PRKD1: variants seen among roughly 807,000 people sequenced by gnomAD.
PRKD1 encodes protein kinase D1, also known as serine/threonine-protein kinase D1.
Under a neutral mutation model 95.9 loss-of-function variants are expected in PRKD1, and 63 were observed. The observed-to-expected ratio is 0.66, with a 90% CI of 0.54 to 0.81. The LOEUF is 0.81. Ranked by LOEUF, PRKD1 falls within the 30% of genes least tolerant of loss-of-function variation. The pLI is 0.00. For missense variants in PRKD1, 1,048 were observed against 1,165.3 expected (o/e 0.90, Z 1.47); for synonymous variants, 425 against 423.1 (o/e 1.00, Z -0.05).
chr14:29,860,313 T>G (rs1892662903), intron 1 of PRKD1, among the ~76,000 whole-genome samples: 1 of 152,228 alleles, frequency 6.6e-6, no homozygotes, highest in African/African-American at 2.4e-5. Flanking sequence ...ATGGCTACAC[T>G]TTTCTGAAAG....
chr14:29,824,114 C>T (rs577966220), intron 1 of PRKD1, among the ~76,000 whole-genome samples: 14 of 152,210 alleles, frequency 9.2e-5, no homozygotes, highest in African/African-American at 3.1e-4. Context: ...TTATCAGCTA[C>T]GATGAGGGTC....
chr14:29,638,966 T>C lies in PRKD1; in HGVS notation c.697-62A>G, dbSNP rs1880574566. The C allele has an allele frequency of 2.9e-5, 38 of 1,297,940 alleles. No homozygotes were observed. The South Asian group carries it at 4.6e-4, about 16-fold the overall frequency. 80.4% of individuals were successfully genotyped at this position (1,297,940 alleles called of 1,614,324 possible). A position where few individuals can be genotyped will look rare whatever the true frequency, so the allele number is the denominator to read the frequency against. ...AGAGGCTATTTGATTTATATATTTA[T>C]ATATTTTAAGATACCGGTTTACTCT... On this transcript the variant is annotated intron_variant, in intron 4 of 17. Transcript: ENST00000331968.
chr14:29,887,863 A>G (rs1158951285), intron 1 of PRKD1, among the ~76,000 whole-genome samples: 2 of 152,146 alleles, frequency 1.3e-5, no homozygotes, highest in Non-Finnish European at 2.9e-5. Context: ...GTGTAAGTAC[A>G]CTCTATGGCA....
At chr14:29,794,482 G>A (rs1566605546) in intron 1 of PRKD1, among the ~76,000 whole-genome samples, 1 of 151,812 alleles carries the variant, frequency 6.6e-6, no homozygotes, top group Non-Finnish European at 1.5e-5. Context: ...ATAAAATGTT[G>A]TACAGTGATT....
intron 2 of PRKD1, among the ~76,000 whole-genome samples, chr14:29,680,090 G>A (rs949215319): frequency 6.6e-6 from 1 of 152,124 alleles, no homozygotes; most frequent in African/African-American, 2.4e-5. Flanking sequence ...GGAAGTCACT[G>A]GTGGACAACT....
chr14:29,666,625 G>A (rs545588319), intron 2 of PRKD1, among the ~76,000 whole-genome samples: 54 of 152,154 alleles, frequency 3.5e-4, no homozygotes, highest in African/African-American at 1.0e-3. Flanking sequence ...AGATAGATCC[G>A]AAAAATAGTA....
chr14:29,734,418 T>A (rs1886618654), intron 1 of PRKD1, among the ~76,000 whole-genome samples: 1 of 152,190 alleles, frequency 6.6e-6, no homozygotes, highest in South Asian at 2.1e-4. Flanking sequence ...TGCCTTTTTT[T>A]AATGGATATT....
chr14:29,643,574 C>A (rs531246318), intron 4 of PRKD1, among the ~76,000 whole-genome samples: 103 of 152,292 alleles, frequency 6.8e-4, no homozygotes, highest in Non-Finnish European at 1.2e-3. Flanking sequence ...AAGTTTGCAA[C>A]CTTCCCAGGA....
At chr14:29,713,448 T>G (rs528026056) in intron 2 of PRKD1, among the ~76,000 whole-genome samples, 3 of 152,204 alleles carry the variant, frequency 2.0e-5, no homozygotes, top group African/African-American at 7.2e-5. Context: ...AGGCAGCTTA[T>G]GAAGTATAAC....
chr14:29,701,645 TTTTTC>T (rs1171342910), intron 2 of PRKD1, among the ~76,000 whole-genome samples: 2 of 152,200 alleles, frequency 1.3e-5, no homozygotes, highest in Non-Finnish European at 2.9e-5. Flanking sequence ...TAGTCAATAC[TTTTTC>T]TTTTCTTTTT....
At chr14:29,846,377 C>T (rs1892077889) in intron 1 of PRKD1, among the ~76,000 whole-genome samples, 1 of 152,114 alleles carries the variant, frequency 6.6e-6, no homozygotes, top group South Asian at 2.1e-4. Flanking sequence ...TGAGGGGTGA[C>T]GTTTAGCTGT....
chr14:29,696,440 G>C (rs1183200839), intron 2 of PRKD1, among the ~76,000 whole-genome samples: 1 of 152,146 alleles, frequency 6.6e-6, no homozygotes, highest in Non-Finnish European at 1.5e-5. Context: ...GACTAGAGCT[G>C]ATTCCTATGT....
intron 1 of PRKD1, among the ~76,000 whole-genome samples, chr14:29,886,871 T>A (rs1418885090): frequency 2.0e-5 from 3 of 152,236 alleles, no homozygotes; most frequent in Non-Finnish European, 4.4e-5. Flanking sequence ...ATCATCCAGC[T>A]TGGTATGTGA....
chr14:29,816,203 G>C (rs909220873), intron 1 of PRKD1, among the ~76,000 whole-genome samples: 17 of 152,160 alleles, frequency 1.1e-4, no homozygotes, highest in African/African-American at 4.1e-4. Flanking sequence ...GGGCAACAGA[G>C]CAAGACCAAG....
rs561704226 is a variant in PRKD1 at position 29,614,671 on chromosome 14, G to C, written c.1905+9481C>G. Among the ~76,000 whole-genome samples the C allele has an allele frequency of 3.4e-4, 52 of 151,736 alleles. No homozygotes were observed. In the East Asian group the frequency reaches 9.1e-3, roughly 27 times the overall value. On this transcript the variant is annotated intron_variant, in intron 13 of 17. Coordinates refer to ENST00000331968, the MANE Select transcript of PRKD1 (RefSeq NM_002742.3). ...GGAGAATATTTTAGACATTTAAAAT[G>C]TTGCCATCAAGAAATTTAAAAATAT...
rs200988792 is a variant in PRKD1 at position 29,727,666 on chromosome 14, G to T, written c.265-1992C>A. Among the ~76,000 whole-genome samples, 96 of 151,832 alleles carry T rather than the reference G, an allele frequency of 6.3e-4. 1 individual carries two copies. In the East Asian group the frequency reaches 9.7e-3, roughly 15 times the overall value. ...TTAAATAGGGAATCCTTTCCCCATTGCTTGTTTTTCTCAGGTTTGTCAAAG... is the reference window on the plus strand; with the variant it reads ...TTAAATAGGGAATCCTTTCCCCATTTCTTGTTTTTCTCAGGTTTGTCAAAG... On this transcript the variant is annotated intron_variant, in intron 1 of 17. Coordinates refer to ENST00000331968, the MANE Select transcript of PRKD1 (RefSeq NM_002742.3).
At chr14:29,606,693 T>G (rs1481553122) in intron 13 of PRKD1, among the ~76,000 whole-genome samples, 1 of 152,204 alleles carries the variant, frequency 6.6e-6, no homozygotes, top group Non-Finnish European at 1.5e-5. Context: ...ATTTACATTG[T>G]GAAAACCTTA....
At chr14:29,687,229 C>T (rs1344859254) in intron 2 of PRKD1, among the ~76,000 whole-genome samples, 2 of 151,972 alleles carry the variant, frequency 1.3e-5, no homozygotes, top group Admixed American at 6.6e-5. Flanking sequence ...GGAAAAGCAA[C>T]GTGCTTGCGG....
At chr14:29,713,400 A>C (rs1418433352) in intron 2 of PRKD1, among the ~76,000 whole-genome samples, 3 of 152,178 alleles carry the variant, frequency 2.0e-5, no homozygotes, top group Non-Finnish European at 4.4e-5. Flanking sequence ...CTACCAAAGA[A>C]AGATCTGGCC....
Sources: gnomAD v4.1 joint callset for allele counts (sites outside exome capture counted in the v4.1 genomes callset) on GRCh38, gnomAD v4.1.1 for gene constraint, MANE v1.5 for transcripts, NCBI Gene and HGNC (gene_info 2026-07-23, HGNC 2026-07-21) for gene names.